Variants in TMEM108 observed in about 807,000 individuals in gnomAD.
The protein encoded by TMEM108 is transmembrane protein 108, also known as cancer/testis antigen 124.
TMEM108 carries 12 observed loss-of-function variants against 35.1 expected under a neutral mutation model. The ratio of observed to expected loss-of-function variants is 0.34; its 90% confidence interval spans 0.22 to 0.55. The LOEUF is 0.55. TMEM108 is among the 20% of genes least tolerant of loss of function. The pLI is 0.89. For synonymous variants in TMEM108, 287 were observed against 308.6 expected, an observed-to-expected ratio of 0.93 and a Z score of 0.73; for missense variants, 680 against 753.3, an observed-to-expected ratio of 0.90 and a Z score of 1.14.
At chr3:133,223,640 CT>C (rs1946024825) in intron 2 of TMEM108, among the ~76,000 whole-genome samples, 1 of 152,266 alleles carries the variant, frequency 6.6e-6, no homozygotes, top group South Asian at 2.1e-4. Context: ...GGCTTGCCAT[CT>C]ATCCAAAGCA....
chr3:133,209,072 G>T (rs537802141), intron 2 of TMEM108, among the ~76,000 whole-genome samples: 2 of 152,224 alleles, frequency 1.3e-5, no homozygotes, highest in East Asian at 3.9e-4. Context: ...AAGAGACAGG[G>T]TCTCACAGTT....
intron 2 of TMEM108, among the ~76,000 whole-genome samples, chr3:133,132,128 A>G (rs1944499532): frequency 1.3e-5 from 2 of 152,214 alleles, no homozygotes. Flanking sequence ...GTACCAAGTG[A>G]CGCAGCAAGT....
chr3:133,312,777 C>T (rs2071150329), intron 3 of TMEM108, among the ~76,000 whole-genome samples: 1 of 152,224 alleles, frequency 6.6e-6, no homozygotes, highest in Non-Finnish European at 1.5e-5. Context: ...AGGTGCCTCA[C>T]TTGGAAATGC....
rs767402045 is a variant in TMEM108, at chr3:133,380,581, C to T, written c.870C>T (p.Thr290=). The change falls in exon 4 of 6, where the codon ACC becomes ACT. Residue 290 remains threonine (T), a synonymous_variant. Coordinates refer to ENST00000321871, the MANE Select transcript of TMEM108 (RefSeq NM_023943.4). The surrounding 1 kb of genome is among the most constrained non-coding windows in gnomAD (Gnocchi z 5.3). ...LRRAAQGGGS[T]FTSQGGTPDA... is the part of the protein sequence containing the mutation. ...GAGCAGCCCAGGGGGGTGGTTCTAC[C>T]TTCACCAGCCAAGGAGGGACACCAG... 4.3e-6 allele frequency: 7 copies of T among 1,613,284 alleles called. No individual in the cohort carries two copies. Among genetic ancestry groups the T allele is most frequent in the East Asian group, 2.2e-5 (1 of 44,854 alleles).
At chr3:133,289,137 T>C (rs373091016) in intron 3 of TMEM108, among the ~76,000 whole-genome samples, 59 of 152,320 alleles carry the variant, frequency 3.9e-4, no homozygotes, top group African/African-American at 1.3e-3. Context: ...CATAGAAGTA[T>C]GTTTGGAACA....
chr3:133,307,985 TATATGAGC>T (rs1240522692), intron 3 of TMEM108, among the ~76,000 whole-genome samples: 1 of 152,178 alleles, frequency 6.6e-6, no homozygotes, highest in Admixed American at 6.5e-5. Flanking sequence ...ATTCTTCCTG[TATATGAGC>T]ATGGAATCTT....
Position 133,095,356 on chromosome 3 carries a change from A to G in TMEM108, c.-47+49336A>G, listed in dbSNP as rs536697893. Reference sequence around the variant, plus strand: ...TTATAATGCAAAACAAAAATTCTCCATAGTACAGCAAGCCCCAGCCTTTTT... The same window carrying G: ...TTATAATGCAAAACAAAAATTCTCCGTAGTACAGCAAGCCCCAGCCTTTTT... On this transcript the variant is annotated intron_variant, in intron 2 of 5. Coordinates refer to ENST00000321871, the MANE Select transcript of TMEM108 (RefSeq NM_023943.4). 3.9e-5 allele frequency among the ~76,000 whole-genome samples: 6 copies of G among 152,270 alleles called. No homozygotes were observed. The South Asian group carries it at 1.2e-3, about 32-fold the overall frequency.
intron 3 of TMEM108, among the ~76,000 whole-genome samples, chr3:133,288,210 C>G (rs1947012190): frequency 6.6e-6 from 1 of 152,164 alleles, no homozygotes; most frequent in Non-Finnish European, 1.5e-5. Context: ...GTTCAACCTC[C>G]TGCCCTAAAC....
intron 3 of TMEM108, among the ~76,000 whole-genome samples, chr3:133,242,400 T>G (rs1250890782): frequency 1.3e-5 from 2 of 152,150 alleles, no homozygotes; most frequent in Non-Finnish European, 2.9e-5. Context: ...GATGGAACCA[T>G]GAGTTTATAC....
intron 2 of TMEM108, among the ~76,000 whole-genome samples, chr3:133,104,696 A>T (rs1377400825): frequency 6.6e-6 from 1 of 152,144 alleles, no homozygotes; most frequent in African/African-American, 2.4e-5. Context: ...GGTTCCCTGA[A>T]GCCTGGTTCA....
chr3:133,073,484 T>TTCTCTCTC (rs371623398), intron 2 of TMEM108, among the ~76,000 whole-genome samples: 41 of 55,624 alleles, frequency 7.4e-4, no homozygotes, highest in African/African-American at 2.6e-3. Flanking sequence ...TAGTATTCTA[T>TTCTCTCTC]TCTCTCTCTC....
chr3:133,185,823 C>T (rs1945412737), intron 2 of TMEM108, among the ~76,000 whole-genome samples: 1 of 144,996 alleles, frequency 6.9e-6, no homozygotes, highest in African/African-American at 2.5e-5. Flanking sequence ...GCTCTGTTGC[C>T]CAGGCATGAA....
intron 2 of TMEM108, among the ~76,000 whole-genome samples, chr3:133,144,839 T>C (rs1265632177): frequency 6.6e-6 from 1 of 152,234 alleles, no homozygotes; most frequent in East Asian, 1.9e-4. Flanking sequence ...TAAATTTGTT[T>C]AAGTTCCTTG....
At chr3:133,232,349 C>A (rs1476508110) in intron 3 of TMEM108, among the ~76,000 whole-genome samples, 1 of 152,094 alleles carries the variant, frequency 6.6e-6, no homozygotes, top group African/African-American at 2.4e-5. Flanking sequence ...AAGAATCTGG[C>A]ACCTCCCTCT....
intron 3 of TMEM108, among the ~76,000 whole-genome samples, chr3:133,311,498 C>G (rs1353179033): frequency 1.3e-5 from 2 of 152,140 alleles, no homozygotes; most frequent in African/African-American, 4.8e-5. Context: ...TCCACTTGAT[C>G]GAATTGGCTA....
At chr3:133,178,481 A>G (rs534125998) in intron 2 of TMEM108, among the ~76,000 whole-genome samples, 1 of 152,044 alleles carries the variant, frequency 6.6e-6, no homozygotes, top group South Asian at 2.1e-4. Context: ...ATGGAACAGA[A>G]CAGAGCCCTC....
rs142058717 is a variant in TMEM108, at chr3:133,312,061, T to C, written c.41-67691T>C. ...AGCAGAGGCTGCAAAACAGCAAATA[T>C]TGCAGAACAGCAAATATTGCTGCCT... On this transcript the variant is annotated intron_variant, in intron 3 of 5. Transcript: ENST00000321871. 6.7e-3 allele frequency among the ~76,000 whole-genome samples: 1,022 copies of C among 152,328 alleles called. 17 individuals carry two copies. Among genetic ancestry groups the C allele is most frequent in the African/African-American group, 0.023 (960 of 41,580 alleles).
chr3:133,319,470 GA>G (rs947413564), intron 3 of TMEM108, among the ~76,000 whole-genome samples: 11 of 152,204 alleles, frequency 7.2e-5, no homozygotes, highest in African/African-American at 2.7e-4. Context: ...CTGCTGCAAG[GA>G]AGGAGAAAAC....
At chr3:133,047,376 G>A (rs1249037729) in intron 2 of TMEM108, among the ~76,000 whole-genome samples, 3 of 152,172 alleles carry the variant, frequency 2.0e-5, no homozygotes, top group African/African-American at 7.2e-5. Context: ...ATAGCACTTG[G>A]CTGGTATGTT....
Sources: allele counts gnomAD v4.1 joint callset (sites outside exome capture counted in the v4.1 genomes callset), GRCh38; gene constraint gnomAD v4.1.1; non-coding constraint Gnocchi (gnomAD v3.1); transcripts MANE v1.5; gene names NCBI Gene and HGNC (gene_info 2026-07-23, HGNC 2026-07-21).